The following TSHR variants were observed in gnomAD, a reference collection of about 807,000 sequenced individuals.
TSHR encodes thyroid stimulating hormone receptor.
In TSHR, 51 loss-of-function variants were observed where a neutral mutation model predicts 64.1. That is an observed-to-expected ratio of 0.80 (90% confidence interval 0.64 to 1.01). The LOEUF (loss-of-function observed/expected upper bound fraction) is 1.01, where lower values mean the gene tolerates loss of function less well. Ranked by LOEUF, TSHR falls within the 50% of genes least tolerant of loss-of-function variation. TSHR has a pLI of 0.00. For synonymous variants in TSHR, 361 were observed against 361.9 expected, an observed-to-expected ratio of 1.00 and a Z score of 0.03; for missense variants, 877 against 942.8, an observed-to-expected ratio of 0.93 and a Z score of 0.91.
chr14:81,024,462 T>C (rs1425369425), intron 1 of TSHR, among the ~76,000 whole-genome samples: 1 of 152,156 alleles, frequency 6.6e-6, no homozygotes, highest in Non-Finnish European at 1.5e-5. Flanking sequence ...TTGGCCAGGA[T>C]GGTCTCGATC....
Position 81,139,826 on chromosome 14 carries a change from AAGCCACTGCT to A in TSHR, c.841_850del (p.Ser281ValfsTer16). 1 of 1,614,212 alleles carries A rather than the reference AAGCCACTGCT, an allele frequency of 6.2e-7. No individual in the cohort carries two copies. The highest frequency in any genetic ancestry group is 8.5e-7 in the Non-Finnish European group (1 of 1,180,032). Reference sequence around the variant, plus strand: ...TCACACGGGCTGACCTTTCTTACCCAAGCCACTGCTGTGCTTTTAAGAATCAGAAGAAAAT... The same window carrying A: ...TCACACGGGCTGACCTTTCTTACCCAGTGCTTTTAAGAATCAGAAGAAAAT... On this transcript the variant is annotated frameshift_variant, in exon 9 of 10. Transcript: ENST00000298171. LOFTEE classifies it high-confidence loss of function.
At chr14:81,028,315 A>G (rs567775632) in intron 1 of TSHR, among the ~76,000 whole-genome samples, 1 of 152,174 alleles carries the variant, frequency 6.6e-6, no homozygotes, top group Non-Finnish European at 1.5e-5. Flanking sequence ...ATTCAAAAAA[A>G]TTTAATCGCA....
At chr14:80,991,828 T>G in intron 1 of TSHR, 1 of 369,202 alleles carries the variant, frequency 2.7e-6, no homozygotes, top group Non-Finnish European at 4.8e-6. Flanking sequence ...GGAGGGATTG[T>G]CTCTTGATGC....
At chr14:81,083,218 C>G (rs183970198) in intron 3 of TSHR, among the ~76,000 whole-genome samples, 1 of 152,026 alleles carries the variant, frequency 6.6e-6, no homozygotes, top group Non-Finnish European at 1.5e-5. Flanking sequence ...TCCTGTGCTA[C>G]GCTTTTATTG....
At chr14:81,126,480 A>G (rs1891025403) in intron 8 of TSHR, among the ~76,000 whole-genome samples, 1 of 152,214 alleles carries the variant, frequency 6.6e-6, no homozygotes, top group Non-Finnish European at 1.5e-5. Flanking sequence ...AGTAAACTAG[A>G]TAGCTTTTCT....
intron 2 of TSHR, among the ~76,000 whole-genome samples, chr14:81,064,182 G>A (rs1217919912): frequency 6.6e-6 from 1 of 152,104 alleles, no homozygotes; most frequent in Non-Finnish European, 1.5e-5. Context: ...CAAGGCTGTA[G>A]GCAGGAAGCT....
chr14:81,012,764 C>A (rs1566762580), intron 1 of TSHR: 1 of 151,018 alleles, frequency 6.6e-6, no homozygotes, highest in Admixed American at 6.6e-5. Context: ...TGTTCATGTC[C>A]TTCGCCCACT....
chr14:80,982,728 T>C lies in TSHR; in HGVS notation c.170+26878T>C, dbSNP rs1399243192. 7 of 801,640 alleles carry C rather than the reference T, an allele frequency of 8.7e-6. No homozygotes were observed. In the African/African-American group the frequency reaches 8.9e-5, roughly 10 times the overall value. The allele number at this position is 801,640 out of a possible 1,614,324, so 49.7% of individuals were successfully genotyped here. A position where few individuals can be genotyped will look rare whatever the true frequency, so the allele number is the denominator to read the frequency against. On this transcript the variant is annotated intron_variant, in intron 1 of 9. Coordinates refer to ENST00000298171, the MANE Select transcript of TSHR (RefSeq NM_000369.5). ...CTAAGGCAAGCCCTCCTTCATATATTGTTTTGGCCTCAGCTGAAGAAAATG... is the reference window on the plus strand; with the variant it reads ...CTAAGGCAAGCCCTCCTTCATATATCGTTTTGGCCTCAGCTGAAGAAAATG...
chr14:81,010,169 C>T (rs1889830898), intron 1 of TSHR, among the ~76,000 whole-genome samples: 1 of 151,932 alleles, frequency 6.6e-6, no homozygotes, highest in Non-Finnish European at 1.5e-5. Flanking sequence ...TTATTTATTG[C>T]CTTATCTTTT....
chr14:81,007,107 G>A (rs1889646006), intron 1 of TSHR, among the ~76,000 whole-genome samples: 1 of 152,170 alleles, frequency 6.6e-6, no homozygotes, highest in South Asian at 2.1e-4. Context: ...TCACGTTGAA[G>A]TTCTAACCCT....
chr14:81,109,321 A>G (rs1017047788), intron 8 of TSHR, among the ~76,000 whole-genome samples: 5 of 152,114 alleles, frequency 3.3e-5, no homozygotes, highest in Non-Finnish European at 7.4e-5. Flanking sequence ...AGGCAGGAGA[A>G]TGGCATGAAC....
chr14:81,096,788 T>C (rs1316536436), intron 7 of TSHR, 81 bp downstream of exon 7: 4 of 1,456,340 alleles, frequency 2.7e-6, no homozygotes, highest in East Asian at 2.3e-5. Flanking sequence ...TGTTGAGAGA[T>C]AGGTTCTACC....
At chr14:80,976,907 T>G (rs182506195) in intron 1 of TSHR, among the ~76,000 whole-genome samples, 33 of 152,342 alleles carry the variant, frequency 2.2e-4, no homozygotes, top group Middle Eastern at 3.4e-3. Context: ...TGGGATAACA[T>G]CCATATAGAG....
chr14:81,080,302 A>T (rs1329993612), intron 3 of TSHR, among the ~76,000 whole-genome samples: 1 of 152,196 alleles, frequency 6.6e-6, no homozygotes, highest in Admixed American at 6.5e-5. Flanking sequence ...CAACTGGGAT[A>T]GGTGAAATGT....
At chr14:81,064,397 G>C (rs1886456464) in intron 2 of TSHR, among the ~76,000 whole-genome samples, 1 of 152,144 alleles carries the variant, frequency 6.6e-6, no homozygotes, top group South Asian at 2.1e-4. Flanking sequence ...GAGGGTCAGG[G>C]GGTATGTTAG....
intron 1 of TSHR, among the ~76,000 whole-genome samples, chr14:81,058,553 T>A (rs1216233408): frequency 6.6e-6 from 1 of 152,196 alleles, no homozygotes; most frequent in Non-Finnish European, 1.5e-5. Flanking sequence ...GGTTTTTTTC[T>A]CATATTTTAG....
intron 1 of TSHR, among the ~76,000 whole-genome samples, chr14:81,048,894 A>G (rs1281775446): frequency 6.6e-6 from 1 of 152,102 alleles, no homozygotes; most frequent in Non-Finnish European, 1.5e-5. Context: ...TCTTAAATGT[A>G]TATATAGTTC....
At chr14:81,088,214 C>T (rs1017996281) in intron 4 of TSHR, among the ~76,000 whole-genome samples, 186 bp downstream of exon 4, 5 of 152,146 alleles carry the variant, frequency 3.3e-5, no homozygotes, top group Non-Finnish European at 5.9e-5. Context: ...AAAGTCAGCA[C>T]ATAATGCTGG....
In TSHR at chr14:81,144,032, C is replaced by T. The variant is rs1192103952; in HGVS notation, c.1974C>T (p.Asn658=). The T allele has an allele frequency of 6.2e-7, 1 of 1,614,192 alleles. No individual in the cohort carries two copies. The highest frequency in any genetic ancestry group is 1.1e-5 in the South Asian group (1 of 91,078). Residue 658 remains asparagine (N), a synonymous_variant, in exon 10 of 10, where the codon AAC becomes AAT. Transcript: ENST00000298171. ...ACAAGCCTCTCATCACTGTTAGCAA[C>T]TCCAAAATCTTGCTGGTACTCTTCT... The part of the protein sequence containing the change: ...ILNKPLITVS[N]SKILLVLFYP...
Sources: gnomAD v4.1 joint callset for allele counts (sites outside exome capture counted in the v4.1 genomes callset) on GRCh38, gnomAD v4.1.1 for gene constraint, MANE v1.5 for transcripts, NCBI Gene and HGNC (gene_info 2026-07-23, HGNC 2026-07-21) for gene names.